TBC1D22A: variants seen among roughly 807,000 people sequenced by gnomAD.
TBC1D22A encodes the protein TBC1 domain family member 22A, also known as putative GTPase activator.
TBC1D22A carries 38 observed loss-of-function variants against 60.2 expected under a neutral mutation model. The ratio of observed to expected loss-of-function variants is 0.63; its 90% CI spans 0.49 to 0.83. The LOEUF is 0.83. Ranked by LOEUF, TBC1D22A falls within the 40% of genes least tolerant of loss-of-function variation. TBC1D22A has a pLI of 0.00. For synonymous variants in TBC1D22A, 302 were observed against 281.7 expected (o/e 1.07, Z -0.72); for missense variants, 628 against 701.0 (o/e 0.90, Z 1.18).
intron 12 of TBC1D22A, among the ~76,000 whole-genome samples, chr22:47,168,417 C>A (rs1196148100): frequency 5.0e-4 from 48 of 96,944 alleles, no homozygotes; most frequent in African/African-American, 7.4e-4. Flanking sequence ...ACTGCCCAGC[C>A]AAGTGCTGTG....
intron 12 of TBC1D22A, chr22:47,117,233 G>A (rs761636587): frequency 9.6e-5 from 16 of 167,086 alleles, no homozygotes; most frequent in Non-Finnish European, 1.6e-4. Context: ...GATGGCGCAT[G>A]GAGGAAGCAG....
chr22:47,002,873 A>G (rs1199423851), intron 10 of TBC1D22A, among the ~76,000 whole-genome samples: 1 of 152,154 alleles, frequency 6.6e-6, no homozygotes, highest in Admixed American at 6.5e-5. Context: ...TGCTAAGCTG[A>G]TCTGAACTTA....
intron 10 of TBC1D22A, among the ~76,000 whole-genome samples, chr22:47,006,706 C>T (rs568273655): frequency 3.3e-5 from 5 of 152,366 alleles, no homozygotes; most frequent in East Asian, 1.9e-4. Context: ...CTCCAGTCCT[C>T]GTTCTCCAGC....
At chr22:47,173,006 G>T (rs2068546538) in intron 12 of TBC1D22A, among the ~76,000 whole-genome samples, 2 of 152,266 alleles carry the variant, frequency 1.3e-5, no homozygotes, top group African/African-American at 4.8e-5. Context: ...GCAGTTCCAG[G>T]GGTGCTGCGG....
At chr22:47,074,341 C>T (rs918721035) in intron 11 of TBC1D22A, among the ~76,000 whole-genome samples, 1 of 152,206 alleles carries the variant, frequency 6.6e-6, no homozygotes, top group Non-Finnish European at 1.5e-5. Flanking sequence ...TGTGTGTCAA[C>T]ACATCTATTA....
intron 1 of TBC1D22A, chr22:46,774,205 T>G: frequency 1.0e-6 from 1 of 985,558 alleles, no homozygotes; most frequent in Non-Finnish European, 1.2e-6. Context: ...AGGCTTGCTG[T>G]GCTCGGCAGC....
At chr22:46,997,053 C>T (rs1260979624) in intron 9 of TBC1D22A, among the ~76,000 whole-genome samples, 2 of 152,244 alleles carry the variant, frequency 1.3e-5, no homozygotes, top group African/African-American at 2.4e-5. Flanking sequence ...AGGCCCCCTT[C>T]CCTTTGATGC....
At chr22:46,978,279 T>C (rs567606604) in intron 9 of TBC1D22A, among the ~76,000 whole-genome samples, 63 of 152,378 alleles carry the variant, frequency 4.1e-4, no homozygotes, top group African/African-American at 1.4e-3. Context: ...TTGTGTGGGT[T>C]AATTCTCTTG....
chr22:46,878,028 C>T (rs1050251558), intron 4 of TBC1D22A, among the ~76,000 whole-genome samples: 8 of 151,928 alleles, frequency 5.3e-5, no homozygotes, highest in Non-Finnish European at 1.0e-4. Context: ...TTTTTTTCTA[C>T]TTGTAGGTAT....
At chr22:46,819,886 A>G (rs1019202909) in intron 4 of TBC1D22A, among the ~76,000 whole-genome samples, 2 of 152,140 alleles carry the variant, frequency 1.3e-5, no homozygotes, top group Non-Finnish European at 2.9e-5. Context: ...TTTGGTTGGT[A>G]GGCTATTAAT....
At chr22:46,862,552 C>A (rs6009005) in intron 4 of TBC1D22A, among the ~76,000 whole-genome samples, 2,169 of 152,360 alleles carry the variant, frequency 0.014, 59 homozygotes, top group African/African-American at 0.05. Flanking sequence ...GAAGCACTTG[C>A]TTCCACTCAC....
At chr22:47,135,740 G>A (rs982902937) in intron 12 of TBC1D22A, among the ~76,000 whole-genome samples, 5 of 152,264 alleles carry the variant, frequency 3.3e-5, no homozygotes, top group Admixed American at 3.3e-4. Context: ...AATGAAAGTC[G>A]AGGGGAAGTG....
chr22:47,018,032 A>G (rs1214230901), intron 10 of TBC1D22A, among the ~76,000 whole-genome samples: 1 of 152,258 alleles, frequency 6.6e-6, no homozygotes, highest in Non-Finnish European at 1.5e-5. Flanking sequence ...TGTAATGGGC[A>G]GTCACATTCC....
At chr22:46,962,696 G>C (rs529198070) in intron 8 of TBC1D22A, among the ~76,000 whole-genome samples, 1 of 152,210 alleles carries the variant, frequency 6.6e-6, no homozygotes, top group Non-Finnish European at 1.5e-5. Context: ...CAAAGAGCAT[G>C]TTATAAAATG....
chr22:47,009,829 G>A lies in TBC1D22A; in HGVS notation c.1201+12120G>A, dbSNP rs939477157. On this transcript the variant is annotated intron_variant, in intron 10 of 12. Transcript: ENST00000337137. This position sits in a 1 kb window ranked among gnomAD's most constrained non-coding sequence, Gnocchi z 5.8. ...GTCTGAAGGCCTCTGCTTCTCCCAC[G>A]TTGGACCTTGTTGAGCTGCCAAGGG... is the stretch of plus-strand genomic sequence containing the variant. Among the ~76,000 whole-genome samples, 3 of 152,200 alleles carry A rather than the reference G, an allele frequency of 2.0e-5. No homozygotes were observed. Among genetic ancestry groups the A allele is most frequent in the African/African-American group, 2.4e-5 (1 of 41,442 alleles).
At chr22:46,880,549 C>T (rs981158386) in intron 5 of TBC1D22A, among the ~76,000 whole-genome samples, 2 of 152,020 alleles carry the variant, frequency 1.3e-5, no homozygotes, top group Admixed American at 6.6e-5. Context: ...GCTTGGGAGA[C>T]GGAGATGAAT....
At chr22:46,910,416 A>T (rs1002672479) in intron 7 of TBC1D22A, among the ~76,000 whole-genome samples, 2 of 152,156 alleles carry the variant, frequency 1.3e-5, no homozygotes, top group Non-Finnish European at 2.9e-5. Context: ...TAGGCAGGGT[A>T]GGAAGGGATC....
intron 4 of TBC1D22A, among the ~76,000 whole-genome samples, chr22:46,873,783 A>T (rs183984870): frequency 6.7e-6 from 1 of 150,276 alleles, no homozygotes; most frequent in African/African-American, 2.4e-5. Context: ...AAAGGACATA[A>T]TCTTGTTCCT....
intron 12 of TBC1D22A, among the ~76,000 whole-genome samples, chr22:47,172,479 A>T (rs1390448229): frequency 6.6e-6 from 1 of 152,188 alleles, no homozygotes; most frequent in African/African-American, 2.4e-5. Flanking sequence ...ACGACTTATA[A>T]TTGTTGCTTA....
Sources: allele counts gnomAD v4.1 joint callset (sites outside exome capture counted in the v4.1 genomes callset), GRCh38; gene constraint gnomAD v4.1.1; non-coding constraint Gnocchi (gnomAD v3.1); transcripts MANE v1.5; gene names NCBI Gene and HGNC (gene_info 2026-07-23, HGNC 2026-07-21).